The following TNRC6C variants were observed in gnomAD, a reference collection of about 807,000 sequenced individuals.
The protein encoded by TNRC6C is trinucleotide repeat containing adaptor 6C.
A neutral mutation model predicts 153.7 loss-of-function variants in TNRC6C; 20 were observed. The observed-to-expected ratio is 0.13, with a 90% CI of 0.09 to 0.19. The LOEUF (loss-of-function observed/expected upper bound fraction) is 0.19. TNRC6C is among the 10% of genes least tolerant of loss of function. The pLI is 1.00. For missense variants in TNRC6C, 1,987 were observed against 2,172.0 expected (o/e 0.91, Z 1.69); for synonymous variants, 811 against 841.4 (o/e 0.96, Z 0.63).
intron 14 of TNRC6C, among the ~76,000 whole-genome samples, chr17:78,092,054 A>C (rs1476047196): frequency 6.6e-6 from 1 of 152,180 alleles, no homozygotes; most frequent in Non-Finnish European, 1.5e-5. Flanking sequence ...CTTACTCCAA[A>C]CTGGTGTCCC....
At chr17:77,965,966 G>T (rs1380217083) in intron 1 of TNRC6C, among the ~76,000 whole-genome samples, 1 of 152,164 alleles carries the variant, frequency 6.6e-6, no homozygotes, top group Non-Finnish European at 1.5e-5. Flanking sequence ...ATTCAGAAAG[G>T]AAGAGTGCCT....
chr17:78,077,967 T>A (rs1457255936), intron 9 of TNRC6C, among the ~76,000 whole-genome samples: 1 of 152,170 alleles, frequency 6.6e-6, no homozygotes, highest in Non-Finnish European at 1.5e-5. Flanking sequence ...TCCTTTCCCA[T>A]CCCTAGGACA....
At chr17:77,967,374 T>C (rs530539133) in intron 1 of TNRC6C, among the ~76,000 whole-genome samples, 1 of 152,068 alleles carries the variant, frequency 6.6e-6, no homozygotes, top group Non-Finnish European at 1.5e-5. Flanking sequence ...ATCTGTTTCT[T>C]CAGAGATATT....
At position 77,976,454 on chromosome 17, in the gene TNRC6C, T is replaced by C. The variant is rs149386751; in HGVS notation, c.-38+17186T>C. On this transcript the variant is annotated intron_variant, in intron 1 of 22. Coordinates refer to the TNRC6C transcript ENST00000636222. ...GTGATGATCAGATTGTCAGTTCAGT[T>C]TACTGTATTTCACACACAGTAGCCC... 8.3e-4 allele frequency among the ~76,000 whole-genome samples: 126 copies of C among 152,364 alleles called. 1 individual carries two copies. Among genetic ancestry groups the C allele is most frequent in the Admixed American group, 7.1e-3 (109 of 15,308 alleles).
chr17:78,043,110 A>G (rs1213752579), intron 2 of TNRC6C, among the ~76,000 whole-genome samples: 1 of 152,200 alleles, frequency 6.6e-6, no homozygotes, highest in Non-Finnish European at 1.5e-5. Context: ...GAAGTAAGGA[A>G]CAAGAGAGCA....
chr17:77,998,829 A>G (rs532293222), intron 1 of TNRC6C, among the ~76,000 whole-genome samples: 12 of 152,296 alleles, frequency 7.9e-5, no homozygotes, highest in South Asian at 2.1e-4. Flanking sequence ...ATGAGGAGAT[A>G]TTTTGGATTT....
chr17:78,086,236 A>G (rs1598775924), intron 11 of TNRC6C, among the ~76,000 whole-genome samples: 1 of 146,892 alleles, frequency 6.8e-6, no homozygotes, highest in Admixed American at 7.0e-5. Context: ...AGGCTGAGGC[A>G]GGAGAATTGC....
At chr17:78,090,283 G>C (rs1050848982) in intron 13 of TNRC6C, among the ~76,000 whole-genome samples, 2 of 152,166 alleles carry the variant, frequency 1.3e-5, no homozygotes, top group African/African-American at 2.4e-5. Flanking sequence ...ATTTAGACAG[G>C]ACAGACACTC....
chr17:78,102,180 G>A (rs1309506116), intron 17 of TNRC6C, among the ~76,000 whole-genome samples: 2 of 152,112 alleles, frequency 1.3e-5, no homozygotes, highest in Non-Finnish European at 2.9e-5. Flanking sequence ...GGAGATTCTC[G>A]GGCCTCATCA....
chr17:78,087,030 C>A (rs1367540582), exon 13 of TNRC6C: 13 of 1,613,910 alleles, frequency 8.1e-6, no homozygotes, highest in Non-Finnish European at 1.0e-5. Flanking sequence ...GACTCCCGGC[C>A]TACCTGACCT....
upstream of TNRC6C, chr17:77,959,108 C>T (rs1268511184): frequency 8.9e-5 from 13 of 146,686 alleles, no homozygotes; most frequent in Non-Finnish European, 1.2e-4. Flanking sequence ...CCGCCGCCGC[C>T]GCCCGCGCCG....
intron 1 of TNRC6C, among the ~76,000 whole-genome samples, chr17:78,005,877 A>C (rs1598672689): frequency 6.6e-6 from 1 of 152,302 alleles, no homozygotes; most frequent in Middle Eastern, 3.4e-3. Flanking sequence ...TGTAAAAAAA[A>C]AAGACTAATT....
At position 78,011,748 on chromosome 17, in the gene TNRC6C, G is replaced by T. The variant is rs572040527; in HGVS notation, c.-546+6669G>T. 3.9e-5 allele frequency among the ~76,000 whole-genome samples: 6 copies of T among 152,252 alleles called. No homozygotes were observed. In the South Asian group the frequency reaches 1.2e-3, roughly 32 times the overall value. On this transcript the variant is annotated intron_variant, in intron 1 of 19. Coordinates refer to ENST00000301624, the Ensembl canonical transcript of TNRC6C. ...GATAGGTGTATGTTTCATTTTTCAA[G>T]AAATTGCACACAGCTCTTTCCCAAC... is the stretch of plus-strand genomic sequence containing the variant.
chr17:78,102,996 G>A (rs551913051), intron 18 of TNRC6C, among the ~76,000 whole-genome samples: 1 of 152,316 alleles, frequency 6.6e-6, no homozygotes, highest in Non-Finnish European at 1.5e-5. Context: ...TTTTTTAAAA[G>A]AGTCGTTTGG....
Position 78,050,278 on chromosome 17 carries a change from C to T in TNRC6C, c.1216C>T (p.His406Tyr). ...AGGAAGTAGTGATGGTTCTGGCAAC[C>T]ACAATGAAGGAAGCACTGGGAGGGA... Residue 406 changes from histidine (H) to tyrosine (Y), a missense_variant, in exon 3 of 20, where the codon CAC becomes TAC. Around this residue, in one of 4 missense-constraint regions of TNRC6C, gnomAD observed 1,052 missense variants for 1,017.0 expected, o/e 1.03. Transcript: ENST00000301624. The T allele has an allele frequency of 3.2e-6, 5 of 1,548,346 alleles. No homozygotes were observed. Among genetic ancestry groups the T allele is most frequent in the Non-Finnish European group, 4.3e-6 (5 of 1,150,044 alleles).
chr17:77,997,945 C>T (rs1479727788), intron 1 of TNRC6C, among the ~76,000 whole-genome samples: 5 of 152,184 alleles, frequency 3.3e-5, no homozygotes, highest in South Asian at 2.1e-4. Flanking sequence ...TGAGCCACTG[C>T]GCCTGGCCGA....
At chr17:77,995,190 C>G (rs2071309696) in intron 1 of TNRC6C, among the ~76,000 whole-genome samples, 1 of 152,218 alleles carries the variant, frequency 6.6e-6, no homozygotes, top group African/African-American at 2.4e-5. Flanking sequence ...AGTGAGAGAT[C>G]ACAGCCATGG....
rs57726847 is a variant in TNRC6C at position 77,976,931 on chromosome 17, G to GAAAAAA, written c.-38+17687_-38+17692dup. Among the ~76,000 whole-genome samples the GAAAAAA allele has an allele frequency of 6.2e-4, 29 of 46,586 alleles. 2 individuals carry two copies. Among genetic ancestry groups the GAAAAAA allele is most frequent in the Admixed American group, 9.9e-4 (3 of 3,018 alleles). The allele number at this position is 46,586 out of a possible 152,430, so 30.6% of individuals were successfully genotyped here. On this transcript the variant is annotated intron_variant, in intron 1 of 22. Coordinates refer to the TNRC6C transcript ENST00000636222. The stretch of plus-strand genomic sequence containing the variant: ...GCGACAAGAGCAAGACTCCATCTCA[G>GAAAAAA]AAAAAAAAAAAAAAAAAAAAAAAAA...
Position 78,074,999 on chromosome 17 carries a change from T to C in TNRC6C, c.2918-137T>C, listed in dbSNP as rs958687974. ...GGCTCAGCCCTAGCAAAGCAAGGGC[T>C]CTCTCTGCCCCTGGCTTCCCTGTGT... On this transcript the variant is annotated intron_variant, in intron 7 of 19. Coordinates refer to ENST00000301624, the Ensembl canonical transcript of TNRC6C. 5.4e-5 allele frequency: 62 copies of C among 1,148,008 alleles called. No individual in the cohort carries two copies. The Middle Eastern group carries it at 8.8e-4, about 16-fold the overall frequency. 71.1% of individuals were successfully genotyped at this position (1,148,008 alleles called of 1,614,324 possible).
Sources: gnomAD v4.1 joint callset for allele counts (sites outside exome capture counted in the v4.1 genomes callset) on GRCh38, gnomAD v4.1.1 for gene constraint, gnomAD v4.1.1 regional missense constraint, MANE v1.5 for transcripts, NCBI Gene and HGNC (gene_info 2026-07-23, HGNC 2026-07-21) for gene names.